LHX4: variants seen among roughly 807,000 people sequenced by gnomAD.
The protein encoded by LHX4 is LIM/homeobox protein Lhx4.
In LHX4, 16 loss-of-function variants were observed where a neutral mutation model predicts 39.2. The observed-to-expected ratio is 0.41, with a 90% CI of 0.28 to 0.62. LHX4 has a LOEUF of 0.62. Among genes scored for constraint, LHX4 ranks in the 20% least tolerant of loss-of-function variants. The pLI is 0.33. For missense variants in LHX4, 439 were observed against 511.9 expected (o/e 0.86, Z 1.37); for synonymous variants, 206 against 198.1 (o/e 1.04, Z -0.33).
intron 2 of LHX4, among the ~76,000 whole-genome samples, chr1:180,258,886 G>A (rs1647983532): frequency 6.6e-6 from 1 of 152,084 alleles, no homozygotes; most frequent in African/African-American, 2.4e-5. Flanking sequence ...TGACAGATCA[G>A]ATGGGGACGG....
At chr1:180,244,603 A>G (rs1419414640) in intron 1 of LHX4, among the ~76,000 whole-genome samples, 1 of 152,218 alleles carries the variant, frequency 6.6e-6, no homozygotes, top group Non-Finnish European at 1.5e-5. Context: ...TTATGGGCAT[A>G]TATCCTCACC....
intron 1 of LHX4, among the ~76,000 whole-genome samples, chr1:180,243,295 AGGGGAG>A (rs1188323346): frequency 3.3e-5 from 5 of 151,650 alleles, no homozygotes. Flanking sequence ...CTGTAAGGGG[AGGGGAG>A]GGGAGGAGTT....
rs2149250282 is a variant in LHX4 at position 180,230,321 on chromosome 1, C to T, written c.-209C>T. 1 of 619,142 alleles carries T rather than the reference C, an allele frequency of 1.6e-6. No individual in the cohort carries two copies. The highest frequency in any genetic ancestry group is 2.8e-5 in the East Asian group (1 of 36,084). 38.4% of individuals were successfully genotyped at this position (619,142 alleles called of 1,614,324 possible). On this transcript the variant is annotated 5_prime_UTR_variant, in exon 1 of 6. The change creates a premature stop within an existing upstream ORF in the 5' untranslated region. Coordinates refer to ENST00000263726, the MANE Select transcript of LHX4 (RefSeq NM_033343.4). The surrounding 1 kb of genome is among the most constrained non-coding windows in gnomAD (Gnocchi z 5.8). ...GTGCACCAACCCCGGAGAGCGAGATCAAAGGGACTGGAAACAGACTGGGGA... is the reference window on the plus strand; with the variant it reads ...GTGCACCAACCCCGGAGAGCGAGATTAAAGGGACTGGAAACAGACTGGGGA...
chr1:180,230,512 G>A lies in LHX4; in HGVS notation c.-18G>A. On this transcript the variant is annotated 5_prime_UTR_variant, in exon 1 of 6. Transcript: ENST00000263726. The surrounding 1 kb of genome is among the most constrained non-coding windows in gnomAD (Gnocchi z 5.8). ...GAGAGATCTCCGTAGACTGCGACTC[G>A]CTGGCTTTCGCTCCGAGATGATGCA... 6.2e-7 allele frequency: 1 copy of A among 1,609,840 alleles called. No individual in the cohort carries two copies. Among genetic ancestry groups the A allele is most frequent in the Non-Finnish European group, 8.5e-7 (1 of 1,176,718 alleles).
intron 1 of LHX4, among the ~76,000 whole-genome samples, chr1:180,242,221 G>A (rs575568156): frequency 4.6e-5 from 7 of 152,040 alleles, no homozygotes; most frequent in African/African-American, 1.7e-4. Flanking sequence ...TTTCCAGAGT[G>A]GCAATGCCTC....
intron 1 of LHX4, among the ~76,000 whole-genome samples, chr1:180,247,528 A>G (rs1402451890): frequency 6.6e-6 from 1 of 152,172 alleles, no homozygotes; most frequent in Non-Finnish European, 1.5e-5. Flanking sequence ...CCCCTCAGCT[A>G]TCCTGACATT....
chr1:180,274,526 T>C lies in LHX4; in HGVS notation c.1120T>C (p.Phe374Leu), dbSNP rs1648908489. The change falls in exon 6 of 6, where the codon TTT (phenylalanine) becomes CTT (leucine). Residue 374 changes from phenylalanine (F) to leucine (L), a missense_variant. Transcript: ENST00000263726. Reference sequence around the variant, plus strand: ...AGGAAGCAGTGTAGGCTATCCCGACTTTCCAACTAGCCCAGGCTCTTGGCT... The same window carrying C: ...AGGAAGCAGTGTAGGCTATCCCGACCTTCCAACTAGCCCAGGCTCTTGGCT... ...STGSSVGYPD[F>L]PTSPGSWLDE... 1 of 1,606,256 alleles carries C rather than the reference T, an allele frequency of 6.2e-7. No homozygotes were observed. The highest frequency in any genetic ancestry group is 8.5e-7 in the Non-Finnish European group (1 of 1,175,880).
rs563523093 is a variant in LHX4 at position 180,230,305 on chromosome 1, C to T, written c.-225C>T. On this transcript the variant is annotated 5_prime_UTR_variant, in exon 1 of 6. Transcript: ENST00000263726. This position sits in a 1 kb window ranked among gnomAD's most constrained non-coding sequence, Gnocchi z 5.8. ...CGTCTCAACCTGGGATGTGCACCAA[C>T]CCCGGAGAGCGAGATCAAAGGGACT... The T allele has an allele frequency of 4.9e-6, 3 of 606,432 alleles. No individual in the cohort carries two copies. Among genetic ancestry groups the T allele is most frequent in the East Asian group, 2.8e-5 (1 of 35,604 alleles). The allele number at this position is 606,432 out of a possible 1,614,324, so 37.6% of individuals were successfully genotyped here.
intron 4 of LHX4, 129 bp from the exon 5 acceptor site, chr1:180,271,706 G>GC: frequency 7.9e-7 from 1 of 1,268,078 alleles, no homozygotes; most frequent in African/African-American, 1.5e-5. Context: ...GGGGTGGGGC[G>GC]CATCGCACTC....
upstream of LHX4, among the ~76,000 whole-genome samples, chr1:180,229,307 C>A (rs527829939): frequency 1.3e-3 from 205 of 152,276 alleles, no homozygotes; most frequent in African/African-American, 4.7e-3. Context: ...CCGAGCTGGA[C>A]GACTGGTGGC....
At chr1:180,233,994 C>T (rs1664242779) in intron 1 of LHX4, among the ~76,000 whole-genome samples, 1 of 151,118 alleles carries the variant, frequency 6.6e-6, no homozygotes, top group South Asian at 2.1e-4. Context: ...GGTCGAGTTG[C>T]AGATCCGAGT....
At chr1:180,240,451 A>G (rs1398564857) in intron 1 of LHX4, among the ~76,000 whole-genome samples, 2 of 152,222 alleles carry the variant, frequency 1.3e-5, no homozygotes, top group Non-Finnish European at 2.9e-5. Flanking sequence ...CTTTTCTTAA[A>G]TATATTTTAG....
chr1:180,274,211 C>A lies in LHX4; in HGVS notation c.805C>A (p.His269Asn), dbSNP rs771603042. 23 of 1,614,092 alleles carry A rather than the reference C, an allele frequency of 1.4e-5. No individual in the cohort carries two copies. The highest frequency in any genetic ancestry group is 1.4e-5 in the Non-Finnish European group (17 of 1,180,044). ...REDQILSELGHTNRIYGNVGD... is the reference protein window; with the variant it reads ...REDQILSELGNTNRIYGNVGD... The stretch of plus-strand genomic sequence containing the variant: ...GGATCAAATTCTCTCAGAACTTGGC[C>A]ACACCAATAGGATTTATGGCAACGT... Residue 269 changes from histidine to asparagine, a missense_variant, in exon 6 of 6, where the codon CAC becomes AAC. His to Asn is a moderately conservative substitution (Grantham distance 68). Transcript: ENST00000263726.
intron 1 of LHX4, among the ~76,000 whole-genome samples, chr1:180,244,979 T>C (rs1439812706): frequency 1.3e-5 from 2 of 152,202 alleles, no homozygotes; most frequent in Non-Finnish European, 2.9e-5. Flanking sequence ...CGGGGCTCAG[T>C]GGGCACACAG....
chr1:180,266,539 C>T lies in LHX4; in HGVS notation c.396C>T (p.Leu132=). ...TGGCCACGGGGGACGAATTCTACCTCATGGAGGACGGGCGGCTGGTGTGCA... is the reference window on the plus strand; with the variant it reads ...TGGCCACGGGGGACGAATTCTACCTTATGGAGGACGGGCGGCTGGTGTGCA... ...RQLATGDEFY[L]MEDGRLVCKE... is the part of the protein sequence containing the mutation. Residue 132 remains leucine (L), a synonymous_variant, in exon 3 of 6, where the codon CTC becomes CTT. Transcript: ENST00000263726. This position sits in a 1 kb window ranked among gnomAD's most constrained non-coding sequence, Gnocchi z 5.7. 1 of 1,614,214 alleles carries T rather than the reference C, an allele frequency of 6.2e-7. No individual in the cohort carries two copies. The highest frequency in any genetic ancestry group is 8.5e-7 in the Non-Finnish European group (1 of 1,180,026).
chr1:180,275,861 C>T lies in LHX4; in HGVS notation c.*1282C>T, dbSNP rs1365018095. The T allele has an allele frequency of 1.3e-5, 2 of 152,226 alleles. No individual in the cohort carries two copies. 9.4% of individuals were successfully genotyped at this position (152,226 alleles called of 1,614,324 possible). On this transcript the variant is annotated 3_prime_UTR_variant, in exon 6 of 6. Transcript: ENST00000263726. ...CTGGCCAGTGGTGGTGCAGGGACTC[C>T]CCGTTGTGCAGGTTTGCAGTAGCAA...
Position 180,234,215 on chromosome 1 carries a change from ATATAT to A in LHX4, c.76+3611_76+3615del, listed in dbSNP as rs1558207270. On this transcript the variant is annotated intron_variant, in intron 1 of 5. Coordinates refer to ENST00000263726, the MANE Select transcript of LHX4 (RefSeq NM_033343.4). The surrounding 1 kb of genome is among the most constrained non-coding windows in gnomAD (Gnocchi z 4.8). Reference sequence around the variant, plus strand: ...TATATATATATATATATATATATATATATATAATAGATTGAGATTCTATCATATTC... The same window carrying A: ...TATATATATATATATATATATATATAAATAGATTGAGATTCTATCATATTC... Among the ~76,000 whole-genome samples, 174 of 73,730 alleles carry A rather than the reference ATATAT, an allele frequency of 2.4e-3. 4 individuals are homozygous for A. Among genetic ancestry groups the A allele is most frequent in the African/African-American group, 8.4e-3 (122 of 14,586 alleles). The allele number at this position is 73,730 out of a possible 152,430, so 48.4% of individuals were successfully genotyped here.
chr1:180,272,156 G>A, intron 5 of LHX4, 150 bp downstream of exon 5: 1 of 700,922 alleles, frequency 1.4e-6, no homozygotes, highest in Non-Finnish European at 2.3e-6. Context: ...GAAGGGTGGG[G>A]GAAATGGTAG....
chr1:180,231,519 G>A (rs1664179004), intron 1 of LHX4, among the ~76,000 whole-genome samples: 1 of 148,116 alleles, frequency 6.8e-6, no homozygotes, highest in African/African-American at 2.5e-5. Flanking sequence ...CCCCGAGAGG[G>A]AATCTGTGCA....
Sources: gnomAD v4.1 joint callset for allele counts (sites outside exome capture counted in the v4.1 genomes callset) on GRCh38, gnomAD v4.1.1 for gene constraint, Gnocchi (gnomAD v3.1) non-coding constraint, MANE v1.5 for transcripts, NCBI Gene and HGNC (gene_info 2026-07-23, HGNC 2026-07-21) for gene names.